SNAP91: variants seen among roughly 807,000 people sequenced by gnomAD.
The protein encoded by SNAP91 is synaptosome associated protein 91, also known as clathrin coat assembly protein AP180.
SNAP91 carries 27 observed loss-of-function variants against 100.3 expected under a neutral mutation model. The observed-to-expected ratio is 0.27, with a 90% confidence interval of 0.20 to 0.37. The LOEUF (loss-of-function observed/expected upper bound fraction) is 0.37. SNAP91 is among the 10% of genes least tolerant of loss of function. The pLI, the probability that SNAP91 is intolerant of heterozygous loss-of-function variation, is 1.00. For missense variants in SNAP91, 986 were observed against 1,123.7 expected (o/e 0.88, Z 1.75); for synonymous variants, 404 against 398.6 (o/e 1.01, Z -0.16).
chr6:83,684,335 A>G (rs1274087279), intron 2 of SNAP91, among the ~76,000 whole-genome samples: 6 of 152,156 alleles, frequency 3.9e-5, no homozygotes, highest in Non-Finnish European at 5.9e-5. Context: ...CCCACCTTCC[A>G]TTACTTCCTG....
intron 24 of SNAP91, among the ~76,000 whole-genome samples, chr6:83,577,621 CAGG>C (rs1196532750): frequency 1.3e-5 from 2 of 152,066 alleles, no homozygotes; most frequent in African/African-American, 4.8e-5. Flanking sequence ...GATTAGCATG[CAGG>C]AGATTTATTT....
At chr6:83,689,259 T>C (rs2099101916) in intron 2 of SNAP91, among the ~76,000 whole-genome samples, 1 of 152,210 alleles carries the variant, frequency 6.6e-6, no homozygotes, top group South Asian at 2.1e-4. Context: ...AGCTATCTCT[T>C]TATACTTGAG....
In SNAP91 at chr6:83,570,557, G is replaced by C. The variant is rs560518931; in HGVS notation, c.2442+4453C>G. Among the ~76,000 whole-genome samples the C allele has an allele frequency of 2.2e-4, 28 of 124,784 alleles. No homozygotes were observed. The East Asian group carries it at 2.6e-3, about 11-fold the overall frequency. 81.9% of individuals were successfully genotyped at this position (124,784 alleles called of 152,430 possible). On this transcript the variant is annotated intron_variant, in intron 26 of 29. Coordinates refer to ENST00000369694, the MANE Select transcript of SNAP91 (RefSeq NM_001242792.2). ...CAGACCTGGAGGTTTACGGGGTGGC[G>C]GGGGGGGAAGTGGTTTCATGGGCTG...
chr6:83,577,770 T>C (rs1821545078), intron 24 of SNAP91, among the ~76,000 whole-genome samples: 1 of 152,192 alleles, frequency 6.6e-6, no homozygotes, highest in African/African-American at 2.4e-5. Flanking sequence ...ATTCACTCTT[T>C]TAAAGTACGT....
At chr6:83,571,740 T>G (rs1808208195) in intron 26 of SNAP91, among the ~76,000 whole-genome samples, 1 of 152,184 alleles carries the variant, frequency 6.6e-6, no homozygotes, top group Admixed American at 6.5e-5. Flanking sequence ...AAGGCATGAC[T>G]GGTTTTGAAA....
At chr6:83,605,155 A>C (rs1323877527) in intron 14 of SNAP91, among the ~76,000 whole-genome samples, 1 of 52,980 alleles carries the variant, frequency 1.9e-5, no homozygotes, top group Non-Finnish European at 3.5e-5. Context: ...CCTCTCAGTC[A>C]ATCAGTTTAA....
chr6:83,633,656 G>C (rs1325217543), intron 8 of SNAP91, among the ~76,000 whole-genome samples: 1 of 152,002 alleles, frequency 6.6e-6, no homozygotes, highest in Non-Finnish European at 1.5e-5. Flanking sequence ...CAGGGAAGTG[G>C]GGGAAAGCCG....
intron 15 of SNAP91, 42 bp from the exon 16 acceptor site, chr6:83,601,480 A>T: frequency 6.2e-7 from 1 of 1,613,060 alleles, no homozygotes; most frequent in Non-Finnish European, 8.5e-7. Context: ...AGAGAAGAAA[A>T]GCAAAGGACA....
intron 7 of SNAP91, among the ~76,000 whole-genome samples, chr6:83,644,077 T>C (rs1278835448): frequency 6.6e-6 from 1 of 152,210 alleles, no homozygotes; most frequent in Non-Finnish European, 1.5e-5. Flanking sequence ...CTTTCAAATA[T>C]CCAAATTACT....
chr6:83,616,884 A>G (rs1385969328), intron 10 of SNAP91, 85 bp downstream of exon 10: 2 of 923,082 alleles, frequency 2.2e-6, no homozygotes, highest in Non-Finnish European at 3.3e-6. Flanking sequence ...CTAGAGCAAT[A>G]TAAGTTGTAC....
chr6:83,583,768 G>A (rs946295251), intron 22 of SNAP91, among the ~76,000 whole-genome samples: 6 of 152,068 alleles, frequency 3.9e-5, no homozygotes, highest in African/African-American at 7.2e-5. Context: ...CCATAGAATC[G>A]ATTTATAATT....
At chr6:83,582,139 T>C in intron 23 of SNAP91, 83 bp downstream of exon 23, 1 of 1,410,810 alleles carries the variant, frequency 7.1e-7, no homozygotes, top group Non-Finnish European at 9.6e-7. Flanking sequence ...GTTGTAAATT[T>C]CCTGATAGCA....
chr6:83,575,172 A>C (rs986004795), intron 25 of SNAP91, 51 bp from the exon 26 acceptor site: 12 of 1,265,348 alleles, frequency 9.5e-6, no homozygotes, highest in Non-Finnish European at 1.4e-5. Flanking sequence ...CACAAATCAG[A>C]AAAAAATGGT....
intron 24 of SNAP91, among the ~76,000 whole-genome samples, chr6:83,576,620 G>A (rs1034450482): frequency 6.6e-6 from 1 of 152,160 alleles, no homozygotes; most frequent in Non-Finnish European, 1.5e-5. Flanking sequence ...TGAAGAGTGT[G>A]TTCTTCTCCT....
At chr6:83,628,222 CATAT>C (rs57893971) in intron 8 of SNAP91, among the ~76,000 whole-genome samples, 13,301 of 124,568 alleles carry the variant, frequency 0.11, 1,044 homozygotes, top group Non-Finnish European at 0.12. Context: ...TTCCATTTTA[CATAT>C]ATATATATAT....
chr6:83,672,391 C>T (rs984737365), intron 2 of SNAP91, among the ~76,000 whole-genome samples: 1 of 151,810 alleles, frequency 6.6e-6, no homozygotes, highest in Non-Finnish European at 1.5e-5. Flanking sequence ...TTAATTTGAC[C>T]ACTCTGCAGC....
chr6:83,665,345 A>T, intron 3 of SNAP91, 94 bp downstream of exon 3: 4 of 1,208,356 alleles, frequency 3.3e-6, no homozygotes, highest in Non-Finnish European at 4.7e-6. Flanking sequence ...TTTTTCTCCT[A>T]ATTAGTGAAA....
At chr6:83,671,342 T>C (rs1447966581) in intron 2 of SNAP91, among the ~76,000 whole-genome samples, 1 of 152,152 alleles carries the variant, frequency 6.6e-6, no homozygotes, top group African/African-American at 2.4e-5. Context: ...TTCTGTATCT[T>C]GATCTTGTAT....
At chr6:83,558,366 C>A (rs1781954343) in intron 28 of SNAP91, among the ~76,000 whole-genome samples, 2 of 152,172 alleles carry the variant, frequency 1.3e-5, no homozygotes, top group South Asian at 4.1e-4. Flanking sequence ...AACCATTATA[C>A]CCAAAACCTT....
Sources: gnomAD v4.1 joint callset for allele counts (sites outside exome capture counted in the v4.1 genomes callset) on GRCh38, gnomAD v4.1.1 for gene constraint, MANE v1.5 for transcripts, NCBI Gene and HGNC (gene_info 2026-07-23, HGNC 2026-07-21) for gene names.